The following ZFYVE16 variants were observed in gnomAD, a reference collection of about 807,000 sequenced individuals.
ZFYVE16 encodes the protein zinc finger FYVE-type containing 16, also known as zinc finger FYVE domain-containing protein 16.
A neutral mutation model predicts 138.1 loss-of-function variants in ZFYVE16; 89 were observed. That is an observed-to-expected ratio of 0.64 (90% CI 0.54 to 0.77). The LOEUF (loss-of-function observed/expected upper bound fraction) is 0.77, where lower values mean the gene tolerates loss of function less well. Ranked by LOEUF, ZFYVE16 falls within the 30% of genes least tolerant of loss-of-function variation. The pLI, the probability that ZFYVE16 is intolerant of heterozygous loss-of-function variation, is 0.00. For missense variants in ZFYVE16, 1,793 were observed against 1,786.7 expected, an observed-to-expected ratio of 1.00 and a Z score of -0.06; for synonymous variants, 596 against 618.3, an observed-to-expected ratio of 0.96 and a Z score of 0.53.
chr5:80,438,063 C>T lies in ZFYVE16; in HGVS notation c.1378C>T (p.Gln460Ter), dbSNP rs1051788800. ...GMEDRKIDPD[Q>*]TVIRAESLDG... The stretch of plus-strand genomic sequence containing the variant: ...GGAAGACAGAAAGATAGATCCTGAC[C>T]AGACAGTAATCAGAGCTGAGTCTTT... The change falls in exon 4 of 19, where the codon CAG (glutamine) becomes TAG (stop). Residue 460 changes from glutamine (Q) to a stop codon, truncating the protein, a stop_gained. Coordinates refer to ENST00000505560, the MANE Select transcript of ZFYVE16 (RefSeq NM_001284236.3). LOFTEE classifies it high-confidence loss of function. 1.9e-6 allele frequency: 3 copies of T among 1,613,900 alleles called. No individual in the cohort carries two copies. Among genetic ancestry groups the T allele is most frequent in the African/African-American group, 2.7e-5 (2 of 74,906 alleles).
rs1248355553 is a variant in ZFYVE16 at position 80,481,770 on chromosome 5, C to CT, written c.*4394dup. ...AAAAGACAATGAACAAGAGCCAACT[C>CT]TAAGGTTACCCAAATGTCAGAATTA... On this transcript the variant is annotated 3_prime_UTR_variant, in exon 19 of 19. Coordinates refer to ENST00000505560, the MANE Select transcript of ZFYVE16 (RefSeq NM_001284236.3). 2.6e-5 allele frequency among the ~76,000 whole-genome samples: 4 copies of CT among 152,158 alleles called. No individual in the cohort carries two copies. The highest frequency in any genetic ancestry group is 1.3e-4 in the Admixed American group (2 of 15,278).
intron 15 of ZFYVE16, among the ~76,000 whole-genome samples, chr5:80,466,589 C>A (rs1481693782): frequency 6.6e-6 from 1 of 152,080 alleles, no homozygotes; most frequent in Non-Finnish European, 1.5e-5. Flanking sequence ...AGTGTAATGT[C>A]TTTGTTTCCT....
In ZFYVE16 at chr5:80,455,683, T is replaced by G. The variant is rs1351019742; in HGVS notation, c.3608-9T>G. 3 of 1,606,208 alleles carry G rather than the reference T, an allele frequency of 1.9e-6. No homozygotes were observed. The African/African-American group carries it at 4.0e-5, about 22-fold the overall frequency. ...TTGATAGTAACCAGTTTTCCTTTCT[T>G]ATGTATAGCATATCCTGCTCCTCTA... On this transcript the variant is annotated splice_polypyrimidine_tract_variant and intron_variant, in intron 11 of 18. Coordinates refer to ENST00000505560, the MANE Select transcript of ZFYVE16 (RefSeq NM_001284236.3).
chr5:80,408,747 C>T lies in ZFYVE16; in HGVS notation c.-94+594C>T, dbSNP rs2544590. 6.6e-5 allele frequency among the ~76,000 whole-genome samples: 10 copies of T among 152,314 alleles called. No homozygotes were observed. The East Asian group carries it at 1.5e-3, about 24-fold the overall frequency. On this transcript the variant is annotated intron_variant, in intron 1 of 18. Coordinates refer to ENST00000505560, the MANE Select transcript of ZFYVE16 (RefSeq NM_001284236.3). ...ACCTTATTTTTAACTCTTATTTGTACTATCGTGATTGCAAATATTATGTTC... is the reference window on the plus strand; with the variant it reads ...ACCTTATTTTTAACTCTTATTTGTATTATCGTGATTGCAAATATTATGTTC...
chr5:80,428,753 G>A (rs2112288539), intron 2 of ZFYVE16, among the ~76,000 whole-genome samples: 1 of 152,338 alleles, frequency 6.6e-6, no homozygotes, highest in Non-Finnish European at 1.5e-5. Context: ...ATGTAGAGAA[G>A]TCCTTAAATG....
intron 15 of ZFYVE16, among the ~76,000 whole-genome samples, chr5:80,467,389 G>A (rs966241293): frequency 3.3e-5 from 5 of 152,210 alleles, no homozygotes; most frequent in Non-Finnish European, 7.3e-5. Context: ...TGATAGCCAA[G>A]ATAGAGGTGT....
chr5:80,416,020 A>C (rs1182634499), intron 1 of ZFYVE16, among the ~76,000 whole-genome samples: 1 of 152,124 alleles, frequency 6.6e-6, no homozygotes, highest in Non-Finnish European at 1.5e-5. Flanking sequence ...AGTGTTTGTT[A>C]GGTTTCTTCA....
At chr5:80,468,680 T>G (rs1481381250) in intron 15 of ZFYVE16, among the ~76,000 whole-genome samples, 1 of 152,216 alleles carries the variant, frequency 6.6e-6, no homozygotes, top group Non-Finnish European at 1.5e-5. Context: ...CCTTATAGAT[T>G]TTATTGCCGA....
chr5:80,480,027 A>G lies in ZFYVE16; in HGVS notation c.*2650A>G, dbSNP rs991128084. On this transcript the variant is annotated 3_prime_UTR_variant, in exon 19 of 19. Transcript: ENST00000505560. ...AGGTGACAGAGAAAATAAAATGTAAATACTTTTCATGGAAAAGTAATTTCA... is the reference window on the plus strand; with the variant it reads ...AGGTGACAGAGAAAATAAAATGTAAGTACTTTTCATGGAAAAGTAATTTCA... 3.3e-5 allele frequency among the ~76,000 whole-genome samples: 5 copies of G among 152,184 alleles called. No individual in the cohort carries two copies. The highest frequency in any genetic ancestry group is 2.1e-4 in the South Asian group (1 of 4,834).
At position 80,477,373 on chromosome 5, in the gene ZFYVE16, T is replaced by C. The variant is rs773978670; in HGVS notation, c.4616T>C (p.Phe1539Ser). Residue 1539 changes from phenylalanine (F) to serine (S), a missense_variant, in exon 19 of 19, where the codon TTT becomes TCT. Physicochemically the swap from Phe to Ser is radical, Grantham distance 155. Transcript: ENST00000505560. ...GTGTTTTTCATTATAGAACATCTTT[T>C]TTAGTGAAAGAATGTGCCATATTAC... is the stretch of plus-strand genomic sequence containing the variant. ...ELVFFIIEHLF is the reference protein window; with the variant it reads ...ELVFFIIEHLS 2.5e-6 allele frequency: 4 copies of C among 1,603,684 alleles called. No individual in the cohort carries two copies. Among genetic ancestry groups the C allele is most frequent in the Non-Finnish European group, 2.5e-6 (3 of 1,177,242 alleles).
rs13171724 is a variant in ZFYVE16, at chr5:80,431,570, T to G, written c.-39-2539T>G. Reference sequence around the variant, plus strand: ...TCTCACCACTCCTATTCAACATAGTTTTGGAAGTTCTGGCCAGGGCACTCA... The same window carrying G: ...TCTCACCACTCCTATTCAACATAGTGTTGGAAGTTCTGGCCAGGGCACTCA... On this transcript the variant is annotated intron_variant, in intron 2 of 18. Coordinates refer to ENST00000505560, the MANE Select transcript of ZFYVE16 (RefSeq NM_001284236.3). Among the ~76,000 whole-genome samples the G allele has an allele frequency of 2.6e-5, 4 of 152,196 alleles. No homozygotes were observed. The East Asian group carries it at 7.7e-4, about 29-fold the overall frequency.
chr5:80,420,551 T>C (rs1026049906), intron 1 of ZFYVE16, among the ~76,000 whole-genome samples: 3 of 152,154 alleles, frequency 2.0e-5, no homozygotes, highest in Non-Finnish European at 2.9e-5. Context: ...CAGTGTTTGG[T>C]TTTTTGTCCT....
At chr5:80,411,866 C>T (rs543380787) in intron 1 of ZFYVE16, 1 of 152,346 alleles carries the variant, frequency 6.6e-6, no homozygotes, top group East Asian at 1.9e-4. Flanking sequence ...CACCATCTAC[C>T]CTAGCCACTC....
chr5:80,466,957 C>G (rs1049032244), intron 15 of ZFYVE16, among the ~76,000 whole-genome samples: 1 of 152,166 alleles, frequency 6.6e-6, no homozygotes, highest in Non-Finnish European at 1.5e-5. Context: ...CCTTGAAAAC[C>G]AGCAGGCTTA....
intron 12 of ZFYVE16, 88 bp from the exon 13 acceptor site, chr5:80,456,373 T>A: frequency 2.0e-6 from 2 of 998,238 alleles, no homozygotes; most frequent in Non-Finnish European, 3.0e-6. Flanking sequence ...TTATTACTGC[T>A]GTGGAGAAGG....
At chr5:80,415,604 C>G (rs959598609) in intron 1 of ZFYVE16, among the ~76,000 whole-genome samples, 3 of 151,956 alleles carry the variant, frequency 2.0e-5, no homozygotes, top group Admixed American at 2.0e-4. Context: ...TAATGTGTTT[C>G]GGAGAGAAAG....
In ZFYVE16 at chr5:80,449,627, T is replaced by C; in HGVS notation, c.3140T>C (p.Ile1047Thr). ...GAAGAACATCCATCTCATGAGCAGA[T>C]CATTTTGCTTCTTGAAGGTGAAAGC... is the stretch of plus-strand genomic sequence containing the variant. ...VVEEHPSHEQ[I>T]ILLLEGESFH... The change falls in exon 9 of 19, where the codon ATC (isoleucine) becomes ACC (threonine). Residue 1047 changes from isoleucine to threonine, a missense_variant. Ile to Thr is a moderately conservative substitution (Grantham distance 89, BLOSUM62 -1). Coordinates refer to ENST00000505560, the MANE Select transcript of ZFYVE16 (RefSeq NM_001284236.3). 1 of 1,611,526 alleles carries C rather than the reference T, an allele frequency of 6.2e-7. No individual in the cohort carries two copies. The highest frequency in any genetic ancestry group is 1.3e-5 in the African/African-American group (1 of 74,922).
In ZFYVE16 at chr5:80,443,232, A is replaced by G. The variant is rs1219332909; in HGVS notation, c.2529A>G (p.Ile843Met). 1 of 1,611,606 alleles carries G rather than the reference A, an allele frequency of 6.2e-7. No individual in the cohort carries two copies. The highest frequency in any genetic ancestry group is 1.7e-5 in the Admixed American group (1 of 59,064). Residue 843 changes from isoleucine to methionine, a missense_variant, in exon 6 of 19, where the codon ATA becomes ATG. Ile to Met is a conservative substitution (Grantham distance 10). Around this residue, in one of 2 missense-constraint regions of ZFYVE16, gnomAD observed 1,295 missense variants for 1,204.3 expected, o/e 1.08. Transcript: ENST00000505560. ...QPPQENQTSS[I>M]PSPATLPVSA... ...CTCAGGAGAACCAAACATCCAGTAT[A>G]CCTTCACCAGCAACTTTGCCAGTCT...
Position 80,457,061 on chromosome 5 carries a change from G to C in ZFYVE16, c.3912G>C (p.Gln1304His). The part of the protein sequence containing the change: ...CIQNDGIYET[Q>H]ANSATGHPRK... ...AGAATGATGGAATTTATGAAACACA[G>C]GCCAACAGTGCCACTGGCCATCCTA... The change falls in exon 14 of 19, where the codon CAG becomes CAC. Residue 1304 changes from glutamine to histidine, a missense_variant. Coordinates refer to ENST00000505560, the MANE Select transcript of ZFYVE16 (RefSeq NM_001284236.3). The C allele has an allele frequency of 6.2e-7, 1 of 1,612,118 alleles. No homozygotes were observed. The highest frequency in any genetic ancestry group is 1.1e-5 in the South Asian group (1 of 90,486).
Sources: gnomAD v4.1 joint callset for allele counts (sites outside exome capture counted in the v4.1 genomes callset) on GRCh38, gnomAD v4.1.1 for gene constraint, gnomAD v4.1.1 regional missense constraint, MANE v1.5 for transcripts, NCBI Gene and HGNC (gene_info 2026-07-23, HGNC 2026-07-21) for gene names.